PELI2: variants seen among roughly 807,000 people sequenced by gnomAD.
The protein encoded by PELI2 is E3 ubiquitin-protein ligase pellino homolog 2.
PELI2 carries 23 observed loss-of-function variants against 42.3 expected under a neutral mutation model. The observed-to-expected ratio is 0.54, with a 90% CI of 0.39 to 0.77. PELI2 has a LOEUF of 0.77. Ranked by LOEUF, PELI2 falls within the 30% of genes least tolerant of loss-of-function variation. PELI2 has a pLI of 0.00. For synonymous variants in PELI2, 245 were observed against 212.2 expected, an observed-to-expected ratio of 1.15 and a Z score of -1.34; for missense variants, 463 against 553.2, an observed-to-expected ratio of 0.84 and a Z score of 1.64.
intron 2 of PELI2, among the ~76,000 whole-genome samples, chr14:56,274,040 T>A (rs369550737): frequency 1.2e-4 from 18 of 152,278 alleles, no homozygotes; most frequent in African/African-American, 4.3e-4. Context: ...GGAGTCTCTC[T>A]CAGTGTCTCT....
intron 2 of PELI2, among the ~76,000 whole-genome samples, chr14:56,189,145 C>T (rs534600542): frequency 3.9e-5 from 6 of 152,116 alleles, no homozygotes; most frequent in East Asian, 3.9e-4. Flanking sequence ...GGTGACAGAA[C>T]GAAACTCTGT....
chr14:56,204,067 G>C (rs561742924), intron 2 of PELI2, among the ~76,000 whole-genome samples: 2 of 152,188 alleles, frequency 1.3e-5, no homozygotes, highest in Non-Finnish European at 2.9e-5. Context: ...GCTCCTGGGA[G>C]GACCTGCCAG....
rs951130589 is a variant in PELI2 at position 56,219,270 on chromosome 14, C to T, written c.207+40806C>T. The stretch of plus-strand genomic sequence containing the variant: ...AGGAAGAAGACAGAAGGAAGAAGCT[C>T]CCCCGTACAGAGACAGATGGGGGCT... On this transcript the variant is annotated intron_variant, in intron 2 of 5. Transcript: ENST00000267460. This position sits in a 1 kb window ranked among gnomAD's most constrained non-coding sequence, Gnocchi z 4.1. 6.6e-6 allele frequency among the ~76,000 whole-genome samples: 1 copy of T among 151,962 alleles called. No individual in the cohort carries two copies. Among genetic ancestry groups the T allele is most frequent in the African/African-American group, 2.4e-5 (1 of 41,348 alleles).
chr14:56,254,551 CA>C (rs1444113362), intron 2 of PELI2, among the ~76,000 whole-genome samples: 1 of 151,976 alleles, frequency 6.6e-6, no homozygotes, highest in East Asian at 1.9e-4. Context: ...GAAGAAAACC[CA>C]AGCAATACCA....
intron 2 of PELI2, among the ~76,000 whole-genome samples, chr14:56,205,161 T>C (rs986444633): frequency 4.6e-5 from 7 of 152,034 alleles, no homozygotes; most frequent in African/African-American, 1.5e-4. Context: ...ATGGGGACCC[T>C]GTGGGGTGCT....
chr14:56,125,322 T>G (rs1315976099), intron 1 of PELI2, among the ~76,000 whole-genome samples: 1 of 145,592 alleles, frequency 6.9e-6, no homozygotes, highest in Non-Finnish European at 1.5e-5. Flanking sequence ...TTGAGAGAGG[T>G]GAGCAAGCAA....
intron 2 of PELI2, among the ~76,000 whole-genome samples, chr14:56,217,285 CCCTCCA>C (rs1216024496): frequency 1.3e-5 from 2 of 152,204 alleles, no homozygotes; most frequent in Non-Finnish European, 2.9e-5. Flanking sequence ...CGCCCCTGCC[CCCTCCA>C]CCTCCTGGCA....
intron 2 of PELI2, among the ~76,000 whole-genome samples, chr14:56,224,804 AAT>A (rs1887280205): frequency 6.6e-6 from 1 of 152,142 alleles, no homozygotes; most frequent in African/African-American, 2.4e-5. Context: ...GACTCATAAA[AAT>A]GTCAACACGT....
chr14:56,275,595 C>T (rs1440730635), intron 2 of PELI2, among the ~76,000 whole-genome samples: 2 of 152,088 alleles, frequency 1.3e-5, no homozygotes, highest in African/African-American at 2.4e-5. Context: ...ATAGGGTTCA[C>T]GCTCCTATGA....
intron 1 of PELI2, among the ~76,000 whole-genome samples, chr14:56,121,641 T>C (rs1387001394): frequency 2.6e-5 from 4 of 152,206 alleles, no homozygotes; most frequent in Non-Finnish European, 5.9e-5. Context: ...GGCAGTTTGG[T>C]ATAGTGGGAA....
intron 2 of PELI2, among the ~76,000 whole-genome samples, chr14:56,185,787 G>A (rs781232985): frequency 3.9e-5 from 6 of 152,032 alleles, no homozygotes; most frequent in African/African-American, 4.8e-5. Flanking sequence ...AATTTTGTGT[G>A]TATGTATTGA....
At chr14:56,133,740 T>C (rs1883580669) in intron 1 of PELI2, among the ~76,000 whole-genome samples, 1 of 152,176 alleles carries the variant, frequency 6.6e-6, no homozygotes, top group Non-Finnish European at 1.5e-5. Flanking sequence ...ATCCTCCCCC[T>C]TTTCCCTCCA....
chr14:56,262,227 A>G (rs242578), intron 2 of PELI2, among the ~76,000 whole-genome samples: 117,933 of 152,172 alleles, frequency 0.77, 46,281 homozygotes, highest in African/African-American at 0.89. Flanking sequence ...ACCTAACACT[A>G]ACCCTGGTAT....
intron 2 of PELI2, among the ~76,000 whole-genome samples, chr14:56,268,544 C>T (rs1888987725): frequency 1.3e-5 from 2 of 152,146 alleles, no homozygotes; most frequent in African/African-American, 4.8e-5. Context: ...TACTATAGCA[C>T]TTGGCATTTC....
intron 2 of PELI2, among the ~76,000 whole-genome samples, chr14:56,269,079 A>G (rs937602503): frequency 1.3e-5 from 2 of 152,224 alleles, no homozygotes; most frequent in Admixed American, 6.5e-5. Context: ...GAGTCACAGC[A>G]TTCTTATGTG....
At chr14:56,290,561 A>C in intron 5 of PELI2, 105 bp downstream of exon 5, 1 of 766,146 alleles carries the variant, frequency 1.3e-6, no homozygotes, top group Non-Finnish European at 2.0e-6. Context: ...TGCAGGTCCA[A>C]GCGCCATGTA....
intron 2 of PELI2, among the ~76,000 whole-genome samples, chr14:56,270,090 G>T (rs898268096): frequency 6.6e-6 from 1 of 152,164 alleles, no homozygotes; most frequent in Non-Finnish European, 1.5e-5. Context: ...GCACTCTTGC[G>T]TGCCATAGAT....
chr14:56,295,983 C>T (rs1175007286), intron 5 of PELI2, among the ~76,000 whole-genome samples: 2 of 152,274 alleles, frequency 1.3e-5, no homozygotes, highest in Non-Finnish European at 2.9e-5. Context: ...CTAGCTGCTG[C>T]TTGTCAGCTG....
At chr14:56,121,184 C>G (rs1043880239) in intron 1 of PELI2, among the ~76,000 whole-genome samples, 8 of 149,376 alleles carry the variant, frequency 5.4e-5, no homozygotes, top group African/African-American at 2.0e-4. Flanking sequence ...TTCCTGAGAT[C>G]TAAAAATGCC....
Sources: gnomAD v4.1 joint callset for allele counts (sites outside exome capture counted in the v4.1 genomes callset) on GRCh38, gnomAD v4.1.1 for gene constraint, Gnocchi (gnomAD v3.1) non-coding constraint, MANE v1.5 for transcripts, NCBI Gene and HGNC (gene_info 2026-07-23, HGNC 2026-07-21) for gene names.